The following SNX9 variants were observed in gnomAD, a reference collection of about 807,000 sequenced individuals.
The protein encoded by SNX9 is sorting nexin-9.
SNX9 carries 44 observed loss-of-function variants against 89.4 expected under a neutral mutation model. That is an observed-to-expected ratio of 0.49 (90% CI 0.39 to 0.63). SNX9 has a LOEUF of 0.63. Among genes scored for constraint, SNX9 ranks in the 30% least tolerant of loss-of-function variants. SNX9 has a pLI of 0.00. For missense variants in SNX9, 578 were observed against 736.1 expected (o/e 0.79, Z 2.49); for synonymous variants, 236 against 247.8 (o/e 0.95, Z 0.45).
chr6:157,833,841 C>G (rs980957735), intron 1 of SNX9, among the ~76,000 whole-genome samples: 2 of 152,156 alleles, frequency 1.3e-5, no homozygotes, highest in Admixed American at 6.5e-5. Context: ...GACTATCTAC[C>G]AGTATTGCCG....
At chr6:157,879,150 G>T (rs1453262494) in intron 4 of SNX9, among the ~76,000 whole-genome samples, 1 of 152,188 alleles carries the variant, frequency 6.6e-6, no homozygotes, top group Non-Finnish European at 1.5e-5. Flanking sequence ...AAGGCCCAGC[G>T]GTTCTGAGTT....
Position 157,873,142 on chromosome 6 carries a change from G to A in SNX9, c.140G>A (p.Gly47Glu). The A allele has an allele frequency of 3.1e-6, 5 of 1,603,012 alleles. No homozygotes were observed. Among genetic ancestry groups the A allele is most frequent in the Non-Finnish European group, 4.3e-6 (5 of 1,174,332 alleles). The change falls in exon 3 of 18, where the codon GGA becomes GAA. Residue 47 changes from glycine to glutamate, a missense_variant. Transcript: ENST00000392185. ...TGGCTGGAAGGAAGAAACATCAAAG[G>A]AGAACGAGGGCTGGTTCCCACAGAC... Reference protein sequence around the residue: ...GGWLEGRNIKGERGLVPTDYV... With the variant: ...GGWLEGRNIKEERGLVPTDYV...
At position 157,823,491 on chromosome 6, in the gene SNX9, G is replaced by A. The variant is rs1781277857; in HGVS notation, c.12+45G>A. 1 of 1,174,336 alleles carries A rather than the reference G, an allele frequency of 8.5e-7. No individual in the cohort carries two copies. The highest frequency in any genetic ancestry group is 1.6e-5 in the African/African-American group (1 of 61,830). 72.7% of individuals were successfully genotyped at this position (1,174,336 alleles called of 1,614,324 possible). A position where few individuals can be genotyped will look rare whatever the true frequency, so the allele number is the denominator to read the frequency against. Reference sequence around the variant, plus strand: ...GGCCGGGCCGGTCGCTCAGGCCCGGGGCGGCGCGGAGAGGGTCGGGGCCGG... The same window carrying A: ...GGCCGGGCCGGTCGCTCAGGCCCGGAGCGGCGCGGAGAGGGTCGGGGCCGG... On this transcript the variant is annotated intron_variant, in intron 1 of 17. Coordinates refer to ENST00000392185, the MANE Select transcript of SNX9 (RefSeq NM_016224.5). The surrounding 1 kb of genome is among the most constrained non-coding windows in gnomAD (Gnocchi z 4.6).
intron 1 of SNX9, among the ~76,000 whole-genome samples, chr6:157,833,218 A>G (rs1419171265): frequency 6.6e-6 from 1 of 152,156 alleles, no homozygotes; most frequent in Non-Finnish European, 1.5e-5. Flanking sequence ...AAGTTTTTTT[A>G]TGTTTTAGTT....
chr6:157,904,840 G>T (rs1200295358), intron 6 of SNX9, among the ~76,000 whole-genome samples: 1 of 152,122 alleles, frequency 6.6e-6, no homozygotes, highest in Non-Finnish European at 1.5e-5. Context: ...AGTCCCTCTG[G>T]CTGCTGTAAT....
chr6:157,901,809 G>A (rs1391863239), intron 5 of SNX9, 89 bp from the exon 6 acceptor site: 3 of 1,483,604 alleles, frequency 2.0e-6, no homozygotes, highest in East Asian at 4.6e-5. Context: ...TTGCCCAGTA[G>A]GTAGTTACTG....
At chr6:157,876,846 G>A (rs566388382) in intron 4 of SNX9, among the ~76,000 whole-genome samples, 1 of 152,326 alleles carries the variant, frequency 6.6e-6, no homozygotes, top group African/African-American at 2.4e-5. Flanking sequence ...TACCTACCAG[G>A]TGCCAGTCAC....
In SNX9 at chr6:157,907,527, G is replaced by A. The variant is rs189911625; in HGVS notation, c.705+1315G>A. Reference sequence around the variant, plus strand: ...TCTTGAACTCCTGACCTTGTGATCCGCCCACATTGGCCTCCCAAAGTGCTG... The same window carrying A: ...TCTTGAACTCCTGACCTTGTGATCCACCCACATTGGCCTCCCAAAGTGCTG... On this transcript the variant is annotated intron_variant, in intron 7 of 17. Coordinates refer to ENST00000392185, the MANE Select transcript of SNX9 (RefSeq NM_016224.5). Among the ~76,000 whole-genome samples, 298 of 152,174 alleles carry A rather than the reference G, an allele frequency of 2.0e-3. 1 individual carries two copies. The highest frequency in any genetic ancestry group is 6.8e-3 in the African/African-American group (284 of 41,522).
At chr6:157,846,567 A>G (rs1323866102) in intron 1 of SNX9, among the ~76,000 whole-genome samples, 1 of 152,246 alleles carries the variant, frequency 6.6e-6, no homozygotes, top group Non-Finnish European at 1.5e-5. Context: ...TCACTTTAGT[A>G]ATGTTCTTTA....
intron 14 of SNX9, among the ~76,000 whole-genome samples, chr6:157,936,592 C>T (rs529696981): frequency 4.6e-5 from 7 of 152,320 alleles, no homozygotes; most frequent in Admixed American, 2.0e-4. Flanking sequence ...TTCTAAAGAA[C>T]AGGAAAGAAT....
intron 10 of SNX9, among the ~76,000 whole-genome samples, chr6:157,926,125 ATGAAT>A (rs1336115162): frequency 3.3e-5 from 5 of 152,238 alleles, no homozygotes; most frequent in Non-Finnish European, 5.9e-5. Context: ...GTTTCAAAAC[ATGAAT>A]TTTGGAGGGA....
At chr6:157,879,386 G>A (rs1484982589) in intron 4 of SNX9, among the ~76,000 whole-genome samples, 1 of 152,148 alleles carries the variant, frequency 6.6e-6, no homozygotes, top group Admixed American at 6.5e-5. Context: ...ACCTCAGTAT[G>A]GGTAATGTTA....
At chr6:157,939,960 G>A (rs1282201742) in intron 16 of SNX9, among the ~76,000 whole-genome samples, 1 of 151,860 alleles carries the variant, frequency 6.6e-6, no homozygotes, top group Non-Finnish European at 1.5e-5. Flanking sequence ...TAGAGTTGGG[G>A]GCAGGGGCAG....
At chr6:157,902,633 T>C (rs1783129467) in intron 6 of SNX9, among the ~76,000 whole-genome samples, 1 of 152,106 alleles carries the variant, frequency 6.6e-6, no homozygotes, top group African/African-American at 2.4e-5. Context: ...AGCTTAGGTT[T>C]CTCTTAGATT....
intron 4 of SNX9, among the ~76,000 whole-genome samples, chr6:157,880,426 A>C (rs985547142): frequency 6.6e-6 from 1 of 152,024 alleles, no homozygotes; most frequent in Admixed American, 6.5e-5. Flanking sequence ...GTGTCTCTCT[A>C]ATCTTGAATT....
chr6:157,834,147 GTGGTTTTTT>G (rs1781527309), intron 1 of SNX9, among the ~76,000 whole-genome samples: 2 of 71,224 alleles, frequency 2.8e-5, no homozygotes, highest in Admixed American at 1.5e-4. Context: ...GGTGTCCACT[GTGGTTTTTT>G]TTTTTTTTTT....
At chr6:157,922,260 T>C (rs1011041990) in intron 10 of SNX9, among the ~76,000 whole-genome samples, 5 of 152,196 alleles carry the variant, frequency 3.3e-5, no homozygotes, top group Non-Finnish European at 7.3e-5. Context: ...GCTTTGGAAA[T>C]AGTTTTCTCT....
At chr6:157,932,301 C>T (rs746767736) in intron 13 of SNX9, 29 bp downstream of exon 13, 2 of 1,594,516 alleles carry the variant, frequency 1.3e-6, no homozygotes, top group Non-Finnish European at 1.7e-6. Flanking sequence ...ATCCAGTGGG[C>T]CTTTAGAGCC....
chr6:157,868,473 T>A (rs1162174245), intron 2 of SNX9, among the ~76,000 whole-genome samples: 1 of 152,228 alleles, frequency 6.6e-6, no homozygotes, highest in East Asian at 1.9e-4. Context: ...TGGGTACATT[T>A]TGTTTCATAA....
Sources: gnomAD v4.1 joint callset for allele counts (sites outside exome capture counted in the v4.1 genomes callset) on GRCh38, gnomAD v4.1.1 for gene constraint, Gnocchi (gnomAD v3.1) non-coding constraint, MANE v1.5 for transcripts, NCBI Gene and HGNC (gene_info 2026-07-23, HGNC 2026-07-21) for gene names.